Variants in USP42 observed in about 807,000 individuals in gnomAD.
The protein encoded by USP42 is ubiquitin carboxyl-terminal hydrolase 42.
USP42 carries 23 observed loss-of-function variants against 113.0 expected under a neutral mutation model. That is an observed-to-expected ratio of 0.20 (90% CI 0.15 to 0.29). USP42 has a LOEUF of 0.29. Ranked by LOEUF, USP42 falls within the 10% of genes least tolerant of loss-of-function variation. USP42 has a pLI of 1.00. For missense variants in USP42, 2,174 were observed against 1,779.8 expected, an observed-to-expected ratio of 1.22 and a Z score of -3.99; for synonymous variants, 933 against 699.0, an observed-to-expected ratio of 1.33 and a Z score of -5.28.
In USP42 at chr7:6,157,478, A is replaced by G. The variant is rs1464015126; in HGVS notation, c.3943+423A>G. 9.4e-6 allele frequency: 7 copies of G among 747,876 alleles called. No individual in the cohort carries two copies. In the East Asian group the frequency reaches 5.2e-4, roughly 55 times the overall value. The allele number at this position is 747,876 out of a possible 1,614,324, so 46.3% of individuals were successfully genotyped here. The stretch of plus-strand genomic sequence containing the variant: ...GTGGCGGCGATCTCAGCTCACTGCA[A>G]CCTCTGCCTCCCAGGTTCATGCTGT... On this transcript the variant is annotated intron_variant, in intron 16 of 17. Transcript: ENST00000306177. The surrounding 1 kb of genome is among the most constrained non-coding windows in gnomAD (Gnocchi z 4.1).
At chr7:6,160,212 G>T (rs530671281) in intron 17 of USP42, among the ~76,000 whole-genome samples, 32 of 152,352 alleles carry the variant, frequency 2.1e-4, no homozygotes, top group African/African-American at 7.7e-4. Flanking sequence ...AGAGTCTGTG[G>T]ATTAATTGGC....
At chr7:6,117,374 C>T (rs1292176817) in intron 3 of USP42, among the ~76,000 whole-genome samples, 1 of 152,182 alleles carries the variant, frequency 6.6e-6, no homozygotes, top group African/African-American at 2.4e-5. Context: ...TGCCATGTAG[C>T]ATCACTTGAT....
At chr7:6,152,989 G>C (rs796613341) in intron 14 of USP42, 10 of 984,852 alleles carry the variant, frequency 1.0e-5, no homozygotes, top group South Asian at 4.7e-5. Flanking sequence ...GAGGAATTGC[G>C]GCCAGGCGCG....
chr7:6,112,667 A>T (rs1236002089), intron 2 of USP42, among the ~76,000 whole-genome samples: 1 of 152,186 alleles, frequency 6.6e-6, no homozygotes, highest in African/African-American at 2.4e-5. Context: ...CATGCAGCCC[A>T]GACAGCTTTG....
chr7:6,146,353 C>A (rs1445712519), intron 11 of USP42, 105 bp downstream of exon 11: 88 of 697,924 alleles, frequency 1.3e-4, no homozygotes, highest in Non-Finnish European at 9.1e-5. Context: ...AAAAAAAAAA[C>A]CCAGCAGCTT....
intron 15 of USP42, among the ~76,000 whole-genome samples, chr7:6,155,742 T>C (rs1389057060): frequency 6.6e-6 from 1 of 152,136 alleles, no homozygotes; most frequent in Non-Finnish European, 1.5e-5. Context: ...TGAAATCCAA[T>C]TGGGAAATTT....
At chr7:6,134,909 C>T (rs990056344) in intron 3 of USP42, among the ~76,000 whole-genome samples, 16 of 152,120 alleles carry the variant, frequency 1.1e-4, no homozygotes, top group African/African-American at 3.9e-4. Flanking sequence ...GCCTCGGCCT[C>T]CTGGGTAGCT....
At chr7:6,121,457 A>G (rs1407990026) in intron 3 of USP42, among the ~76,000 whole-genome samples, 1 of 151,934 alleles carries the variant, frequency 6.6e-6, no homozygotes, top group East Asian at 1.9e-4. Context: ...ATAGTTTCTT[A>G]TAATGCCTTT....
intron 3 of USP42, among the ~76,000 whole-genome samples, chr7:6,120,162 C>T (rs1173983395): frequency 6.6e-6 from 1 of 152,166 alleles, no homozygotes; most frequent in African/African-American, 2.4e-5. Flanking sequence ...GATGGGGTTT[C>T]ACTGTGTTAG....
intron 1 of USP42, among the ~76,000 whole-genome samples, chr7:6,110,357 A>G (rs1022399816): frequency 5.3e-5 from 8 of 152,174 alleles, no homozygotes; most frequent in Admixed American, 5.2e-4. Flanking sequence ...TATAAAAATT[A>G]AGTTAATGTA....
chr7:6,128,273 T>TC (rs147633129), intron 3 of USP42: 3 of 150,110 alleles, frequency 2.0e-5, no homozygotes, highest in Non-Finnish European at 4.4e-5. Context: ...TTTTTTTTTT[T>TC]CCTCCTTGAG....
At chr7:6,149,502 A>C in intron 12 of USP42, 81 bp from the exon 13 acceptor site, 1 of 1,505,220 alleles carries the variant, frequency 6.6e-7, no homozygotes, top group East Asian at 2.3e-5. Context: ...CAAAATGGGA[A>C]GGACCCATCA....
At chr7:6,153,046 G>C (rs1353061933) in intron 14 of USP42, 1 of 752,672 alleles carries the variant, frequency 1.3e-6, no homozygotes, top group African/African-American at 1.9e-5. Context: ...TGAGGCGGGC[G>C]GATCACCTGA....
the USP42 span, among the ~76,000 whole-genome samples, chr7:6,099,893 G>A: frequency 6.6e-6 from 1 of 150,480 alleles, no homozygotes; most frequent in Non-Finnish European, 1.5e-5. Context: ...AACCTGGGAG[G>A]TGGAGGTTGC....
Position 6,152,864 on chromosome 7 carries a change from G to A in USP42, c.2202-892G>A, listed in dbSNP as rs1782153142. On this transcript the variant is annotated intron_variant, in intron 14 of 17. Coordinates refer to ENST00000306177, the MANE Select transcript of USP42 (RefSeq NM_032172.3). ...GAGCTGCTGGCTGTGTTTGGAGGTG[G>A]CCCCTCTACCTTTGAGGGTCCAAGA... The A allele has an allele frequency of 5.7e-6, 5 of 882,332 alleles. No homozygotes were observed. In the African/African-American group the frequency reaches 7.3e-5, roughly 13 times the overall value. The allele number at this position is 882,332 out of a possible 1,614,324, so 54.7% of individuals were successfully genotyped here. A position where few individuals can be genotyped will look rare whatever the true frequency, so the allele number is the denominator to read the frequency against.
At chr7:6,120,803 C>T (rs779116234) in intron 3 of USP42, among the ~76,000 whole-genome samples, 4 of 151,992 alleles carry the variant, frequency 2.6e-5, no homozygotes, top group Non-Finnish European at 4.4e-5. Flanking sequence ...AAGCTGGTCT[C>T]GAACTCCTGG....
chr7:6,151,643 A>G (rs772194789), intron 14 of USP42, among the ~76,000 whole-genome samples: 2 of 152,026 alleles, frequency 1.3e-5, no homozygotes, highest in Non-Finnish European at 2.9e-5. Context: ...GGGTTTTACC[A>G]TGTTGGTCAG....
rs1782619735 is a variant in USP42, at chr7:6,159,009, G to A, written c.3944-441G>A. On this transcript the variant is annotated intron_variant, in intron 16 of 17. Transcript: ENST00000306177. This position sits in a 1 kb window ranked among gnomAD's most constrained non-coding sequence, Gnocchi z 4.1. ...ACCGATGACAGGGTTTGCAGCTGGC[G>A]CTTCTGCTGCGAGCAGACTGAGGAG... is the stretch of plus-strand genomic sequence containing the variant. Among the ~76,000 whole-genome samples the A allele has an allele frequency of 1.3e-5, 2 of 152,164 alleles. No individual in the cohort carries two copies. The highest frequency in any genetic ancestry group is 2.1e-4 in the South Asian group (1 of 4,826).
At chr7:6,124,891 A>C (rs1374243376) in intron 3 of USP42, among the ~76,000 whole-genome samples, 1 of 151,872 alleles carries the variant, frequency 6.6e-6, no homozygotes, top group Non-Finnish European at 1.5e-5. Context: ...ATAACATTCC[A>C]CTTCTCAGGC....
Sources: allele counts gnomAD v4.1 joint callset (sites outside exome capture counted in the v4.1 genomes callset), GRCh38; gene constraint gnomAD v4.1.1; non-coding constraint Gnocchi (gnomAD v3.1); transcripts MANE v1.5; gene names NCBI Gene and HGNC (gene_info 2026-07-23, HGNC 2026-07-21).